The following SLC24A3 variants were observed in gnomAD, a reference collection of about 807,000 sequenced individuals.
SLC24A3 encodes the protein solute carrier family 24 member 3.
In SLC24A3, 28 loss-of-function variants were observed where a neutral mutation model predicts 75.8. The observed-to-expected ratio is 0.37, with a 90% CI of 0.27 to 0.51. The LOEUF (loss-of-function observed/expected upper bound fraction) is 0.51. Ranked by LOEUF, SLC24A3 falls within the 20% of genes least tolerant of loss-of-function variation. SLC24A3 has a pLI of 0.94. For missense variants in SLC24A3, 663 were observed against 847.8 expected, an observed-to-expected ratio of 0.78 and a Z score of 2.71; for synonymous variants, 372 against 334.1, an observed-to-expected ratio of 1.11 and a Z score of -1.24.
chr20:19,382,674 A>G (rs540942553), intron 2 of SLC24A3, among the ~76,000 whole-genome samples: 1 of 152,268 alleles, frequency 6.6e-6, no homozygotes, highest in East Asian at 1.9e-4. Flanking sequence ...CTGGATAACC[A>G]AACTGCACAA....
chr20:19,539,890 G>A (rs1272202403), intron 3 of SLC24A3, among the ~76,000 whole-genome samples: 1 of 152,302 alleles, frequency 6.6e-6, no homozygotes, highest in African/African-American at 2.4e-5. Context: ...TGTGTGTTCA[G>A]CTTCTTCTTA....
chr20:19,587,094 A>G (rs554178841), intron 6 of SLC24A3, among the ~76,000 whole-genome samples: 2 of 152,278 alleles, frequency 1.3e-5, no homozygotes, highest in Non-Finnish European at 2.9e-5. Flanking sequence ...TGTCGCTGTT[A>G]GCACTCTCCT....
intron 2 of SLC24A3, among the ~76,000 whole-genome samples, chr20:19,325,793 T>TAGAGAGAGAG (rs1224595512): frequency 3.6e-5 from 3 of 82,804 alleles, no homozygotes; most frequent in African/African-American, 4.7e-5. Flanking sequence ...TATATATATA[T>TAGAGAGAGAG]ATAGAGAGAG....
chr20:19,547,434 A>C (rs984524810), intron 3 of SLC24A3, among the ~76,000 whole-genome samples: 2 of 152,224 alleles, frequency 1.3e-5, no homozygotes, highest in Non-Finnish European at 2.9e-5. Flanking sequence ...GGGTGATGGA[A>C]GTGTTCTAAA....
intron 1 of SLC24A3, among the ~76,000 whole-genome samples, chr20:19,227,071 G>A (rs1296671772): frequency 6.6e-6 from 1 of 152,130 alleles, no homozygotes; most frequent in African/African-American, 2.4e-5. Flanking sequence ...CCAGGAATTG[G>A]AACAAATTTG....
intron 2 of SLC24A3, among the ~76,000 whole-genome samples, chr20:19,299,198 A>ATGTGTGTG (rs57048749): frequency 0.036 from 5,229 of 144,978 alleles, 115 homozygotes; most frequent in Middle Eastern, 0.08. Context: ...GTGTGTGTGT[A>ATGTGTGTG]TGTGTGTGTG....
intron 1 of SLC24A3, among the ~76,000 whole-genome samples, chr20:19,243,009 T>C (rs1216870994): frequency 3.9e-5 from 6 of 152,234 alleles, no homozygotes; most frequent in South Asian, 2.1e-4. Context: ...ATCATTAAAC[T>C]TGTTCAGAAA....
chr20:19,383,229 A>G (rs1187245089), intron 2 of SLC24A3, among the ~76,000 whole-genome samples: 1 of 152,184 alleles, frequency 6.6e-6, no homozygotes, highest in Non-Finnish European at 1.5e-5. Context: ...ATTATCACTT[A>G]AGACAGCTGC....
In SLC24A3 at chr20:19,212,963, T is replaced by C; in HGVS notation, c.121T>C (p.Ser41Pro). Residue 41 changes from serine (S) to proline (P), a missense_variant, in exon 1 of 17, where the codon TCG becomes CCG. Physicochemically the swap from Ser to Pro is moderately conservative, Grantham distance 74. Transcript: ENST00000328041. ...GGTGGCGCTGCTGCTCTGGTCGCTG[T>C]CGAGCCTGCGAGAGCAGAAGGGTGA... is the stretch of plus-strand genomic sequence containing the variant. ...ASVALLLWSLSSLREQKELDL... is the reference protein window; with the variant it reads ...ASVALLLWSLPSLREQKELDL... 2 of 1,312,062 alleles carry C rather than the reference T, an allele frequency of 1.5e-6. No individual in the cohort carries two copies. The highest frequency in any genetic ancestry group is 1.9e-6 in the Non-Finnish European group (2 of 1,028,292). 81.3% of individuals were successfully genotyped at this position (1,312,062 alleles called of 1,614,324 possible).
intron 6 of SLC24A3, among the ~76,000 whole-genome samples, chr20:19,613,772 C>T (rs2031701127): frequency 1.3e-5 from 2 of 152,166 alleles, no homozygotes; most frequent in Non-Finnish European, 1.5e-5. Context: ...CCCACCTCTT[C>T]CCCATCACAT....
chr20:19,384,191 ATTT>A (rs1986231188), intron 2 of SLC24A3, among the ~76,000 whole-genome samples: 1 of 152,230 alleles, frequency 6.6e-6, no homozygotes, highest in African/African-American at 2.4e-5. Flanking sequence ...TGTTAATAAT[ATTT>A]AACAGCTACT....
At chr20:19,363,772 AG>A (rs1353429746) in intron 2 of SLC24A3, among the ~76,000 whole-genome samples, 1 of 152,234 alleles carries the variant, frequency 6.6e-6, no homozygotes, top group Non-Finnish European at 1.5e-5. Flanking sequence ...AAAAAAGCAA[AG>A]GATTTTTTTC....
intron 2 of SLC24A3, among the ~76,000 whole-genome samples, chr20:19,307,019 T>C (rs1984349472): frequency 6.6e-6 from 1 of 152,192 alleles, no homozygotes; most frequent in Non-Finnish European, 1.5e-5. Context: ...TTCTGAAGGC[T>C]CTGGCTGTTC....
chr20:19,489,861 T>C (rs1988182642), intron 2 of SLC24A3, among the ~76,000 whole-genome samples: 1 of 152,182 alleles, frequency 6.6e-6, no homozygotes, highest in Admixed American at 6.5e-5. Flanking sequence ...CCTCTCCCTC[T>C]GGAATGTGCC....
At chr20:19,305,341 A>G (rs1473170587) in intron 2 of SLC24A3, among the ~76,000 whole-genome samples, 1 of 151,976 alleles carries the variant, frequency 6.6e-6, no homozygotes, top group African/African-American at 2.4e-5. Flanking sequence ...AGCACTCACT[A>G]TGCCATGGAG....
At chr20:19,536,459 T>G (rs1169620556) in intron 3 of SLC24A3, among the ~76,000 whole-genome samples, 1 of 152,040 alleles carries the variant, frequency 6.6e-6, no homozygotes, top group African/African-American at 2.4e-5. Flanking sequence ...CCCAAGGTAA[T>G]TTATAGATTC....
intron 2 of SLC24A3, among the ~76,000 whole-genome samples, chr20:19,299,910 T>C (rs1984155859): frequency 6.6e-6 from 1 of 152,212 alleles, no homozygotes; most frequent in Middle Eastern, 3.2e-3. Context: ...TGACTCAATA[T>C]GTTTAAAGCC....
intron 6 of SLC24A3, among the ~76,000 whole-genome samples, chr20:19,599,566 C>G (rs539290992): frequency 6.6e-6 from 1 of 152,316 alleles, no homozygotes; most frequent in Admixed American, 6.5e-5. Context: ...TAGTGCTGAG[C>G]CTGGCTACCC....
intron 2 of SLC24A3, among the ~76,000 whole-genome samples, chr20:19,397,381 G>A (rs192415453): frequency 6.6e-6 from 1 of 152,186 alleles, no homozygotes; most frequent in Admixed American, 6.5e-5. Context: ...TTATCTTGAC[G>A]CCAAGCCCTC....
Sources: allele counts gnomAD v4.1 joint callset (sites outside exome capture counted in the v4.1 genomes callset), GRCh38; gene constraint gnomAD v4.1.1; transcripts MANE v1.5; gene names NCBI Gene and HGNC (gene_info 2026-07-23, HGNC 2026-07-21).